Variants in DENND4A observed in about 807,000 individuals in gnomAD.
The protein encoded by DENND4A is C-myc promoter-binding protein.
Under a neutral mutation model 199.3 loss-of-function variants are expected in DENND4A, and 70 were observed. The observed-to-expected ratio is 0.35, with a 90% CI of 0.29 to 0.43. The LOEUF (loss-of-function observed/expected upper bound fraction) is 0.43. DENND4A is among the 20% of genes least tolerant of loss of function. The probability of loss-of-function intolerance (pLI) is 1.00; values close to 1 mark genes in which losing one functional copy is unlikely to be tolerated. For synonymous variants in DENND4A, 686 were observed against 766.9 expected (o/e 0.89, Z 1.74); for missense variants, 1,723 against 2,255.8 (o/e 0.76, Z 4.78).
At chr15:65,677,118 T>C (rs1298321544) in intron 23 of DENND4A, among the ~76,000 whole-genome samples, 1 of 152,246 alleles carries the variant, frequency 6.6e-6, no homozygotes, top group African/African-American at 2.4e-5. Flanking sequence ...AAAAATTTAA[T>C]ACCTGTAATT....
At chr15:65,684,239 T>C in intron 23 of DENND4A, among the ~76,000 whole-genome samples, 1 of 152,170 alleles carries the variant, frequency 6.6e-6, no homozygotes, top group East Asian at 1.9e-4. Context: ...TTATTTAGAG[T>C]GGAACTGCTG....
At chr15:65,738,430 C>G (rs1282419824) in intron 6 of DENND4A, among the ~76,000 whole-genome samples, 1 of 152,078 alleles carries the variant, frequency 6.6e-6, no homozygotes, top group Non-Finnish European at 1.5e-5. Flanking sequence ...AATAATGTTA[C>G]TTTCAAAGCT....
chr15:65,729,327 T>TTTTAAGTATTATCTAAAGCC, intron 10 of DENND4A, 80 bp from the exon 11 acceptor site: 3 of 1,463,644 alleles, frequency 2.0e-6, no homozygotes, highest in Non-Finnish European at 2.8e-6. Context: ...AAAAACTGTC[T>TTTTAAGTATTATCTAAAGCC]TTTAAGTATT....
intron 7 of DENND4A, among the ~76,000 whole-genome samples, chr15:65,733,267 T>C (rs2076014145): frequency 6.6e-6 from 1 of 152,164 alleles, no homozygotes; most frequent in South Asian, 2.1e-4. Context: ...TAATAATACG[T>C]TAAAAATTAT....
At chr15:65,732,693 A>C (rs1056912044) in intron 8 of DENND4A, 59 bp downstream of exon 8, 1 of 1,000,242 alleles carries the variant, frequency 1.0e-6, no homozygotes, top group South Asian at 1.5e-5. Context: ...CTTATGTTAC[A>C]TTTTGACAGA....
intron 2 of DENND4A, among the ~76,000 whole-genome samples, chr15:65,757,932 G>C (rs1000614542): frequency 3.3e-5 from 5 of 152,010 alleles, no homozygotes. Flanking sequence ...GGTGAGCTGA[G>C]ATCGCACCAT....
At chr15:65,757,969 G>A (rs950323504) in intron 2 of DENND4A, among the ~76,000 whole-genome samples, 13 of 151,806 alleles carry the variant, frequency 8.6e-5, no homozygotes, top group South Asian at 2.1e-4. Context: ...CAACAAGAGC[G>A]AAACTCTATC....
intron 1 of DENND4A, among the ~76,000 whole-genome samples, chr15:65,783,246 TA>T (rs1460594129): frequency 6.6e-6 from 1 of 152,210 alleles, no homozygotes; most frequent in Non-Finnish European, 1.5e-5. Context: ...AGATACAGGT[TA>T]ACAATTCTAA....
intron 22 of DENND4A, 147 bp from the exon 23 acceptor site, chr15:65,691,658 T>G: frequency 3.6e-6 from 3 of 822,842 alleles, no homozygotes; most frequent in Non-Finnish European, 5.4e-6. Flanking sequence ...CTAAACACTT[T>G]ACTTATATTT....
intron 20 of DENND4A, 122 bp from the exon 21 acceptor site, chr15:65,697,505 C>A: frequency 3.2e-6 from 2 of 621,778 alleles, no homozygotes; most frequent in Non-Finnish European, 5.5e-6. Flanking sequence ...CAACTTCCAA[C>A]TTAAAGCATT....
chr15:65,715,703 G>C (rs1257118851), intron 13 of DENND4A, 80 bp from the exon 14 acceptor site: 2 of 1,359,822 alleles, frequency 1.5e-6, no homozygotes, highest in African/African-American at 3.0e-5. Context: ...GAAAGAATCT[G>C]AACAACCATG....
At chr15:65,773,608 C>T (rs1215222484) in intron 1 of DENND4A, among the ~76,000 whole-genome samples, 1 of 152,168 alleles carries the variant, frequency 6.6e-6, no homozygotes, top group Admixed American at 6.5e-5. Flanking sequence ...CTTTACTCAT[C>T]ATTTCCTTCC....
At chr15:65,672,023 C>G in intron 24 of DENND4A, 137 bp from the exon 25 acceptor site, 1 of 628,666 alleles carries the variant, frequency 1.6e-6, no homozygotes, top group South Asian at 1.9e-5. Context: ...TTAGGAAAAA[C>G]AAATAAATAA....
At chr15:65,718,751 T>C (rs1003740529) in intron 12 of DENND4A, among the ~76,000 whole-genome samples, 2 of 143,890 alleles carry the variant, frequency 1.4e-5, no homozygotes, top group Admixed American at 1.4e-4. Flanking sequence ...GTTTTGCATG[T>C]TTTTTTTCCT....
At chr15:65,695,127 TAAC>T (rs748709949) in intron 22 of DENND4A, among the ~76,000 whole-genome samples, 2 of 152,204 alleles carry the variant, frequency 1.3e-5, no homozygotes, top group East Asian at 3.8e-4. Context: ...AACAATTATC[TAAC>T]AAAGAAATGC....
chr15:65,702,172 G>A (rs1317598998), intron 17 of DENND4A, 133 bp downstream of exon 17: 1 of 812,752 alleles, frequency 1.2e-6, no homozygotes, highest in African/African-American at 1.7e-5. Flanking sequence ...GCTAAAATGG[G>A]AGGATTGCAT....
At chr15:65,744,556 C>T (rs960315846) in intron 4 of DENND4A, among the ~76,000 whole-genome samples, 1 of 152,138 alleles carries the variant, frequency 6.6e-6, no homozygotes, top group African/African-American at 2.4e-5. Flanking sequence ...TCCACCCTGC[C>T]CAGTCCTCCC....
In DENND4A at chr15:65,776,938, C is replaced by T. The variant is rs557686566; in HGVS notation, c.-102+15072G>A. Among the ~76,000 whole-genome samples the T allele has an allele frequency of 7.2e-5, 11 of 152,204 alleles. No homozygotes were observed. In the South Asian group the frequency reaches 2.3e-3, roughly 32 times the overall value. ...ATCCCAGCAAGTTGGAAGGACGAGGCAGGAGGATCACTTGAGGCCAGGAGT... is the reference window on the plus strand; with the variant it reads ...ATCCCAGCAAGTTGGAAGGACGAGGTAGGAGGATCACTTGAGGCCAGGAGT... On this transcript the variant is annotated intron_variant, in intron 1 of 32. Coordinates refer to ENST00000443035, the MANE Select transcript of DENND4A (RefSeq NM_001320835.1).
intron 14 of DENND4A, among the ~76,000 whole-genome samples, chr15:65,712,153 T>C (rs1037369965): frequency 6.6e-6 from 1 of 152,198 alleles, no homozygotes; most frequent in South Asian, 2.1e-4. Flanking sequence ...TCTGGATACT[T>C]TGATTTGTTA....
Sources: gnomAD v4.1 joint callset for allele counts (sites outside exome capture counted in the v4.1 genomes callset) on GRCh38, gnomAD v4.1.1 for gene constraint, MANE v1.5 for transcripts, NCBI Gene and HGNC (gene_info 2026-07-23, HGNC 2026-07-21) for gene names.